PCDH7: variants seen among roughly 807,000 people sequenced by gnomAD.
The protein encoded by PCDH7 is protocadherin 7, also known as protocadherin-7.
Under a neutral mutation model 58.9 loss-of-function variants are expected in PCDH7, and 17 were observed. The ratio of observed to expected loss-of-function variants is 0.29; its 90% CI spans 0.20 to 0.43. The LOEUF (loss-of-function observed/expected upper bound fraction) is 0.43, where lower values mean the gene tolerates loss of function less well. Ranked by LOEUF, PCDH7 falls within the 20% of genes least tolerant of loss-of-function variation. The pLI, the probability that PCDH7 is intolerant of heterozygous loss-of-function variation, is 1.00. For synonymous variants in PCDH7, 664 were observed against 616.4 expected, an observed-to-expected ratio of 1.08 and a Z score of -1.14; for missense variants, 1,274 against 1,441.0, an observed-to-expected ratio of 0.88 and a Z score of 1.88.
intron 3 of PCDH7, among the ~76,000 whole-genome samples, chr4:31,085,377 G>A (rs1436604270): frequency 1.3e-5 from 2 of 152,134 alleles, no homozygotes. Flanking sequence ...TGACTCCTAA[G>A]CCATAATATC....
At chr4:30,958,140 A>G (rs1748038415) in intron 3 of PCDH7, among the ~76,000 whole-genome samples, 1 of 152,046 alleles carries the variant, frequency 6.6e-6, no homozygotes, top group Non-Finnish European at 1.5e-5. Context: ...GAAGGAGGTT[A>G]CAGTTTTTTA....
intron 3 of PCDH7, among the ~76,000 whole-genome samples, chr4:31,083,091 G>C (rs1234671946): frequency 6.6e-6 from 1 of 152,042 alleles, no homozygotes; most frequent in Non-Finnish European, 1.5e-5. Context: ...CTGGGCGACA[G>C]AGCAAGACTC....
chr4:30,861,325 A>G (rs950351937), intron 1 of PCDH7, among the ~76,000 whole-genome samples: 1 of 152,146 alleles, frequency 6.6e-6, no homozygotes, highest in Non-Finnish European at 1.5e-5. Context: ...CAGGTATAAC[A>G]TGATTAACCA....
In PCDH7 at chr4:30,818,693, A is replaced by G. The variant is rs535394190; in HGVS notation, c.70+94097A>G. On this transcript the variant is annotated intron_variant, in intron 1 of 3. Transcript: ENST00000509759. ...AATTTCCCAAGGCACTGTTTTTCCA[A>G]TATATGCAGCTTAATGATCCCAGGA... Among the ~76,000 whole-genome samples, 4 of 152,292 alleles carry G rather than the reference A, an allele frequency of 2.6e-5. No homozygotes were observed. The South Asian group carries it at 8.3e-4, about 32-fold the overall frequency.
intron 2 of PCDH7, among the ~76,000 whole-genome samples, chr4:30,942,989 T>G (rs903162124): frequency 6.6e-6 from 1 of 151,982 alleles, no homozygotes; most frequent in African/African-American, 2.4e-5. Flanking sequence ...TTACAGTTTG[T>G]TTTTCCTTTT....
intron 3 of PCDH7, among the ~76,000 whole-genome samples, chr4:31,012,304 T>C (rs1167881074): frequency 6.6e-6 from 1 of 152,174 alleles, no homozygotes; most frequent in East Asian, 1.9e-4. Flanking sequence ...AATATTCGTT[T>C]TATTTTTCTA....
chr4:30,721,575 G>T lies in PCDH7; in HGVS notation c.153G>T (p.Val51=). ...CCGCCGACGTCCGCATCGGCAACGT[G>T]GCTTCAGACCTGGGCATCGTGACCG... Residue 51 remains valine, a synonymous_variant, in exon 1 of 2, where the codon GTG becomes GTT. Coordinates refer to ENST00000361762, the Ensembl canonical transcript of PCDH7. This position sits in a 1 kb window ranked among gnomAD's most constrained non-coding sequence, Gnocchi z 6.7. 2 of 1,608,496 alleles carry T rather than the reference G, an allele frequency of 1.2e-6. No homozygotes were observed.
intron 3 of PCDH7, among the ~76,000 whole-genome samples, chr4:30,988,787 A>T (rs1751207813): frequency 1.3e-5 from 2 of 152,284 alleles, no homozygotes; most frequent in South Asian, 2.1e-4. Context: ...ACAAGAGATT[A>T]TTTTTTAAAT....
At chr4:31,100,066 A>C (rs1321343491) in intron 3 of PCDH7, among the ~76,000 whole-genome samples, 3 of 152,156 alleles carry the variant, frequency 2.0e-5, no homozygotes, top group Admixed American at 6.5e-5. Flanking sequence ...TCACTTTGCC[A>C]TGGATGTGTT....
At chr4:30,960,732 T>G (rs1376375292) in intron 3 of PCDH7, among the ~76,000 whole-genome samples, 2 of 152,218 alleles carry the variant, frequency 1.3e-5, no homozygotes, top group Admixed American at 6.5e-5. Flanking sequence ...AAATCAATTC[T>G]AGCTGTTAAG....
At chr4:30,911,333 A>G (rs1038938336) in intron 1 of PCDH7, among the ~76,000 whole-genome samples, 1 of 133,522 alleles carries the variant, frequency 7.5e-6, no homozygotes, top group Non-Finnish European at 1.6e-5. Flanking sequence ...CCCCCCCCCA[A>G]AAAAAAGAAC....
intron 3 of PCDH7, 144 bp from the exon 3 acceptor site, chr4:31,142,329 A>G (rs1720364122): frequency 2.7e-6 from 2 of 728,010 alleles, no homozygotes; most frequent in Admixed American, 2.9e-5. Flanking sequence ...AAACTGTCCT[A>G]TGGAATGATG....
chr4:31,025,933 G>A (rs1219816371), intron 3 of PCDH7, among the ~76,000 whole-genome samples: 3 of 152,178 alleles, frequency 2.0e-5, no homozygotes, highest in Non-Finnish European at 4.4e-5. Context: ...AAGTAACAAT[G>A]CTTAACATAT....
At chr4:31,058,190 A>G (rs1757410562) in intron 3 of PCDH7, among the ~76,000 whole-genome samples, 1 of 152,096 alleles carries the variant, frequency 6.6e-6, no homozygotes, top group South Asian at 2.1e-4. Flanking sequence ...CAAACAACAC[A>G]CACACGCAAC....
At chr4:31,067,085 A>G (rs1245834233) in intron 3 of PCDH7, among the ~76,000 whole-genome samples, 1 of 151,942 alleles carries the variant, frequency 6.6e-6, no homozygotes, top group African/African-American at 2.4e-5. Context: ...TAGTTGTTTC[A>G]TCTAGAAAAT....
At chr4:30,945,863 G>A (rs1349879095) in intron 2 of PCDH7, among the ~76,000 whole-genome samples, 1 of 151,912 alleles carries the variant, frequency 6.6e-6, no homozygotes, top group East Asian at 1.9e-4. Context: ...ATTCCATCGG[G>A]CCACAGTTAG....
chr4:30,976,925 A>T (rs1242309839), intron 3 of PCDH7, among the ~76,000 whole-genome samples: 2 of 152,180 alleles, frequency 1.3e-5, no homozygotes, highest in African/African-American at 2.4e-5. Flanking sequence ...GAAACTGGGT[A>T]ATTATTAAAC....
intron 1 of PCDH7, chr4:30,724,991 A>T: frequency 9.8e-7 from 1 of 1,017,200 alleles, no homozygotes; most frequent in Non-Finnish European, 1.2e-6. Context: ...ATCCAGAGAA[A>T]AAGTTTCTAA....
chr4:30,939,559 C>T (rs981470899), intron 2 of PCDH7, among the ~76,000 whole-genome samples: 1 of 152,074 alleles, frequency 6.6e-6, no homozygotes, highest in African/African-American at 2.4e-5. Context: ...TGAACAGTCT[C>T]ACTGCCATGA....
Sources: allele counts gnomAD v4.1 joint callset (sites outside exome capture counted in the v4.1 genomes callset), GRCh38; gene constraint gnomAD v4.1.1; non-coding constraint Gnocchi (gnomAD v3.1); transcripts MANE v1.5; gene names NCBI Gene and HGNC (gene_info 2026-07-23, HGNC 2026-07-21).